Variants in LPP observed in about 807,000 individuals in gnomAD.
LPP encodes lipoma-preferred partner.
LPP carries 38 observed loss-of-function variants against 60.4 expected under a neutral mutation model. That is an observed-to-expected ratio of 0.63 (90% CI 0.49 to 0.83). The LOEUF is 0.83. LPP is among the 40% of genes least tolerant of loss of function. The pLI, the probability that LPP is intolerant of heterozygous loss-of-function variation, is 0.00. For missense variants in LPP, 902 were observed against 783.6 expected (o/e 1.15, Z -1.80); for synonymous variants, 328 against 290.8 (o/e 1.13, Z -1.30).
intron 7 of LPP, among the ~76,000 whole-genome samples, chr3:188,697,528 C>T (rs549901900): frequency 5.1e-4 from 77 of 152,228 alleles, no homozygotes; most frequent in African/African-American, 1.8e-3. Context: ...AATCTAGGTG[C>T]CTTATTTTTA....
chr3:188,245,791 CTCGGCCT>C (rs1465372538), intron 2 of LPP, among the ~76,000 whole-genome samples: 2 of 152,080 alleles, frequency 1.3e-5, no homozygotes, highest in Admixed American at 6.6e-5. Context: ...ATCCTCCCAC[CTCGGCCT>C]TCCAAAGTGC....
chr3:188,170,810 G>T (rs1721383798), intron 1 of LPP, among the ~76,000 whole-genome samples: 1 of 151,922 alleles, frequency 6.6e-6, no homozygotes, highest in African/African-American at 2.4e-5. Flanking sequence ...CTAAGGCAAG[G>T]TACCCTTTTA....
chr3:188,592,351 C>T (rs1580229674), intron 6 of LPP, among the ~76,000 whole-genome samples: 2 of 151,838 alleles, frequency 1.3e-5, no homozygotes, highest in African/African-American at 2.4e-5. Flanking sequence ...CACACGCACA[C>T]AGTCACACAC....
chr3:188,574,582 T>G (rs575937761), intron 6 of LPP, among the ~76,000 whole-genome samples: 6 of 152,292 alleles, frequency 3.9e-5, no homozygotes, highest in South Asian at 4.1e-4. Context: ...AGAAACTTTT[T>G]TGTGTGTGCA....
intron 8 of LPP, among the ~76,000 whole-genome samples, chr3:188,731,584 G>A (rs1237954265): frequency 2.8e-5 from 4 of 143,356 alleles, no homozygotes; most frequent in Non-Finnish European, 3.2e-5. Context: ...GTGCAGTGGT[G>A]CGATCTCGGC....
intron 3 of LPP, among the ~76,000 whole-genome samples, chr3:188,342,339 A>G (rs1303547516): frequency 6.6e-6 from 1 of 152,204 alleles, no homozygotes; most frequent in Non-Finnish European, 1.5e-5. Flanking sequence ...GAATGACACC[A>G]ATCCTTGGCA....
At chr3:188,759,331 C>A (rs140312196) in intron 8 of LPP, 1 of 152,158 alleles carries the variant, frequency 6.6e-6, no homozygotes, top group East Asian at 1.9e-4. Flanking sequence ...CAACGAGAAC[C>A]GTGGCCCTGA....
chr3:188,702,523 G>A (rs759583261), intron 7 of LPP, among the ~76,000 whole-genome samples: 2 of 152,044 alleles, frequency 1.3e-5, no homozygotes, highest in African/African-American at 2.4e-5. Flanking sequence ...AGTTGTTAGA[G>A]ACAGGATCTC....
chr3:188,438,096 T>C (rs1381408975), intron 4 of LPP, among the ~76,000 whole-genome samples: 1 of 152,148 alleles, frequency 6.6e-6, no homozygotes. Flanking sequence ...CCAACTAGAC[T>C]GCCTGGATAT....
At position 188,884,327 on chromosome 3, in the gene LPP, G is replaced by A. The variant is rs1324870749; in HGVS notation, c.*9848G>A. ...CGCTCACAGCTGAGAACACCTTAGA[G>A]GACAATATCGACTTCTTACAGACTA... On this transcript the variant is annotated 3_prime_UTR_variant, in exon 12 of 12. Transcript: ENST00000617246. The A allele has an allele frequency of 2.2e-5, 5 of 230,474 alleles. No homozygotes were observed. The highest frequency in any genetic ancestry group is 1.7e-4 in the Admixed American group (3 of 17,658). 14.3% of individuals were successfully genotyped at this position (230,474 alleles called of 1,614,324 possible).
chr3:188,806,237 T>G lies in LPP; in HGVS notation c.1410+45955T>G, dbSNP rs1049180023. Among the ~76,000 whole-genome samples the G allele has an allele frequency of 1.3e-4, 20 of 152,038 alleles. No homozygotes were observed. In the East Asian group the frequency reaches 1.4e-3, roughly 10 times the overall value. The stretch of plus-strand genomic sequence containing the variant: ...TTCACTTGTATGGTTTTTGTTTTAA[T>G]GTATTTTGAAGCCATACTGTTAAGT... On this transcript the variant is annotated intron_variant, in intron 9 of 11. Coordinates refer to ENST00000617246, the MANE Select transcript of LPP (RefSeq NM_001375462.1).
intron 6 of LPP, among the ~76,000 whole-genome samples, chr3:188,540,980 G>A (rs1825002724): frequency 6.6e-6 from 1 of 152,172 alleles, no homozygotes; most frequent in Non-Finnish European, 1.5e-5. Context: ...TAATGGTCTT[G>A]TCCTACCATC....
intron 6 of LPP, among the ~76,000 whole-genome samples, chr3:188,545,629 T>C (rs1240204382): frequency 2.0e-5 from 3 of 152,120 alleles, no homozygotes; most frequent in Non-Finnish European, 4.4e-5. Flanking sequence ...CAGTTTGGTG[T>C]TAGAAGTGCG....
rs192275911 is a variant in LPP at position 188,770,326 on chromosome 3, C to T, written c.1410+10044C>T. On this transcript the variant is annotated intron_variant, in intron 9 of 11. Transcript: ENST00000617246. ...CCCGAGTAGTTGGGACTACAAGCAC[C>T]CGCCACCACGCCCAGCTATTTTTTT... 4.5e-3 allele frequency among the ~76,000 whole-genome samples: 664 copies of T among 148,744 alleles called. 3 individuals are homozygous for T. Among genetic ancestry groups the T allele is most frequent in the Non-Finnish European group, 8.1e-3 (542 of 67,220 alleles).
chr3:188,636,955 G>A (rs1429246156), intron 7 of LPP, among the ~76,000 whole-genome samples: 2 of 142,614 alleles, frequency 1.4e-5, no homozygotes, highest in Non-Finnish European at 1.5e-5. Context: ...ACAGATCAAC[G>A]AGACAGAAAG....
chr3:188,196,013 G>A (rs1433008738), intron 1 of LPP, among the ~76,000 whole-genome samples: 1 of 152,172 alleles, frequency 6.6e-6, no homozygotes, highest in African/African-American at 2.4e-5. Flanking sequence ...GATGGAAGTT[G>A]TTCTTGTCCG....
intron 7 of LPP, among the ~76,000 whole-genome samples, chr3:188,667,208 A>G (rs773271667): frequency 1.3e-5 from 2 of 152,066 alleles, no homozygotes; most frequent in Non-Finnish European, 2.9e-5. Context: ...GCTGGGCGCA[A>G]TGGCTCACGC....
At chr3:188,657,025 T>C (rs181836383) in intron 7 of LPP, among the ~76,000 whole-genome samples, 2 of 152,172 alleles carry the variant, frequency 1.3e-5, no homozygotes, top group Non-Finnish European at 2.9e-5. Context: ...TTGAAGATAA[T>C]ATTTGATCCC....
chr3:188,366,883 T>A (rs1330079455), intron 3 of LPP, among the ~76,000 whole-genome samples: 3 of 152,010 alleles, frequency 2.0e-5, no homozygotes, highest in African/African-American at 7.3e-5. Context: ...ACTGTTTTGC[T>A]GCATTATAAA....
Sources: allele counts gnomAD v4.1 joint callset (sites outside exome capture counted in the v4.1 genomes callset), GRCh38; gene constraint gnomAD v4.1.1; transcripts MANE v1.5; gene names NCBI Gene and HGNC (gene_info 2026-07-23, HGNC 2026-07-21).